The following ZNF804B variants were observed in gnomAD, a reference collection of about 807,000 sequenced individuals.
The protein encoded by ZNF804B is zinc finger 804B.
In ZNF804B, 80 loss-of-function variants were observed where a neutral mutation model predicts 101.4. That is an observed-to-expected ratio of 0.79 (90% CI 0.66 to 0.95). ZNF804B has a LOEUF of 0.95. Ranked by LOEUF, ZNF804B falls within the 40% of genes least tolerant of loss-of-function variation. The probability of loss-of-function intolerance (pLI) is 0.00; values close to 1 mark genes in which losing one functional copy is unlikely to be tolerated. For missense variants in ZNF804B, 1,673 were observed against 1,561.9 expected, an observed-to-expected ratio of 1.07 and a Z score of -1.20; for synonymous variants, 622 against 558.8, an observed-to-expected ratio of 1.11 and a Z score of -1.59.
chr7:88,905,313 G>A (rs114119626), intron 1 of ZNF804B, among the ~76,000 whole-genome samples: 2,194 of 151,814 alleles, frequency 0.014, 56 homozygotes, highest in African/African-American at 0.049. Context: ...TGATTGTGGC[G>A]AATTAACTTT....
At chr7:89,330,113 A>G (rs2115989183) in intron 3 of ZNF804B, among the ~76,000 whole-genome samples, 1 of 151,766 alleles carries the variant, frequency 6.6e-6, no homozygotes, top group East Asian at 1.9e-4. Context: ...GTAAGAATAT[A>G]TTTTCAAAAC....
At chr7:89,059,084 A>C (rs1463518425) in intron 1 of ZNF804B, among the ~76,000 whole-genome samples, 1 of 152,170 alleles carries the variant, frequency 6.6e-6, no homozygotes, top group African/African-American at 2.4e-5. Context: ...ATGAAACCAG[A>C]TGGCTATCAT....
intron 1 of ZNF804B, among the ~76,000 whole-genome samples, chr7:88,929,987 G>T (rs1792859425): frequency 1.3e-5 from 2 of 151,788 alleles, no homozygotes; most frequent in Admixed American, 6.6e-5. Flanking sequence ...AAAGAAAGGT[G>T]GTTCCAAAAT....
At chr7:88,890,014 T>G (rs1299978936) in intron 1 of ZNF804B, among the ~76,000 whole-genome samples, 1 of 152,088 alleles carries the variant, frequency 6.6e-6, no homozygotes, top group African/African-American at 2.4e-5. Flanking sequence ...TAACCCAGCA[T>G]CACTTATTGA....
At chr7:89,260,653 A>G (rs1013531816) in intron 2 of ZNF804B, among the ~76,000 whole-genome samples, 2 of 152,312 alleles carry the variant, frequency 1.3e-5, no homozygotes, top group South Asian at 4.1e-4. Context: ...GAAGCCACAT[A>G]AAAGCTATGT....
intron 2 of ZNF804B, among the ~76,000 whole-genome samples, chr7:89,251,857 T>C (rs567857971): frequency 6.6e-6 from 1 of 152,286 alleles, no homozygotes; most frequent in African/African-American, 2.4e-5. Flanking sequence ...GCCAGCCATA[T>C]GTAGAGGAAT....
chr7:89,184,474 G>A (rs146037664), intron 1 of ZNF804B, among the ~76,000 whole-genome samples: 66 of 148,060 alleles, frequency 4.5e-4, no homozygotes, highest in African/African-American at 1.4e-3. Context: ...TTATGATAGC[G>A]TAAGTTAACT....
chr7:89,138,285 T>C (rs1790666685), intron 1 of ZNF804B, among the ~76,000 whole-genome samples: 1 of 152,104 alleles, frequency 6.6e-6, no homozygotes, highest in African/African-American at 2.4e-5. Context: ...GACCTCAGAA[T>C]GGTAGATTCA....
chr7:88,942,017 G>T (rs777071914), intron 1 of ZNF804B, among the ~76,000 whole-genome samples: 6 of 151,854 alleles, frequency 4.0e-5, no homozygotes, highest in Non-Finnish European at 7.4e-5. Flanking sequence ...CCTAGATGAA[G>T]GAAGCTCTTC....
At chr7:89,263,380 C>T (rs1186922018) in intron 2 of ZNF804B, among the ~76,000 whole-genome samples, 1 of 152,056 alleles carries the variant, frequency 6.6e-6, no homozygotes, top group Non-Finnish European at 1.5e-5. Context: ...TGTTGTTTCT[C>T]AGGATTCTCT....
At position 89,333,443 on chromosome 7, in the gene ZNF804B, A is replaced by G; in HGVS notation, c.461A>G (p.Lys154Arg). The G allele has an allele frequency of 6.2e-7, 1 of 1,613,104 alleles. No individual in the cohort carries two copies. Among genetic ancestry groups the G allele is most frequent in the Non-Finnish European group, 8.5e-7 (1 of 1,179,450 alleles). ...CTCCAGCAAGGAATTTTCCCCATTA[A>G]GAATGGCAGAAAGGTATCATGCATG... is the stretch of plus-strand genomic sequence containing the variant. ...KQLQQGIFPI[K>R]NGRKVSCMKS... is the part of the protein sequence containing the mutation. The change falls in exon 4 of 4, where the codon AAG becomes AGG. Residue 154 changes from lysine (K) to arginine (R), a missense_variant. Physicochemically the swap from Lys to Arg is conservative, Grantham distance 26 (BLOSUM62 2). Transcript: ENST00000333190.
intron 1 of ZNF804B, among the ~76,000 whole-genome samples, chr7:88,937,329 CT>C (rs1792988023): frequency 6.6e-6 from 1 of 152,036 alleles, no homozygotes; most frequent in African/African-American, 2.4e-5. Context: ...AATACTTCAT[CT>C]CAAACAATGG....
chr7:89,291,829 A>G (rs111732674), intron 2 of ZNF804B, among the ~76,000 whole-genome samples: 2,896 of 152,238 alleles, frequency 0.019, 78 homozygotes, highest in African/African-American at 0.066. Context: ...ATCTCAAGGC[A>G]TTTAACAATC....
intron 2 of ZNF804B, among the ~76,000 whole-genome samples, chr7:89,299,935 C>T (rs1459542886): frequency 1.3e-5 from 2 of 151,854 alleles, no homozygotes; most frequent in African/African-American, 4.8e-5. Flanking sequence ...ATAGAAGTGT[C>T]AAAAGTGCAA....
At chr7:89,011,372 A>G (rs1788459613) in intron 1 of ZNF804B, among the ~76,000 whole-genome samples, 1 of 152,146 alleles carries the variant, frequency 6.6e-6, no homozygotes, top group Admixed American at 6.6e-5. Context: ...TCATGTCCTC[A>G]CATTTCAAAA....
In ZNF804B at chr7:88,775,941, G is replaced by A. The variant is rs1168450266; in HGVS notation, c.108+15857G>A. On this transcript the variant is annotated intron_variant, in intron 1 of 3. Coordinates refer to ENST00000333190, the MANE Select transcript of ZNF804B (RefSeq NM_181646.5). ...ATGTTGTCCCTCCAATTTTAAGGTGGGAACATGGAAATTTTCCCTTCTTTG... is the reference window on the plus strand; with the variant it reads ...ATGTTGTCCCTCCAATTTTAAGGTGAGAACATGGAAATTTTCCCTTCTTTG... Among the ~76,000 whole-genome samples the A allele has an allele frequency of 4.6e-5, 7 of 152,284 alleles. No homozygotes were observed. In the East Asian group the frequency reaches 1.2e-3, roughly 25 times the overall value.
chr7:88,762,477 C>T (rs868314077), intron 1 of ZNF804B, among the ~76,000 whole-genome samples: 1 of 152,164 alleles, frequency 6.6e-6, no homozygotes, highest in Non-Finnish European at 1.5e-5. Context: ...TGAAAACTTT[C>T]CTAATCTAGA....
intron 1 of ZNF804B, among the ~76,000 whole-genome samples, chr7:89,083,548 AT>A (rs1789728668): frequency 2.1e-5 from 1 of 48,502 alleles, no homozygotes; most frequent in Admixed American, 1.8e-4. Context: ...TCAGAAACAC[AT>A]GTGTTTGAGG....
chr7:89,040,430 T>G (rs1257600102), intron 1 of ZNF804B, among the ~76,000 whole-genome samples: 1 of 152,140 alleles, frequency 6.6e-6, no homozygotes, highest in Non-Finnish European at 1.5e-5. Flanking sequence ...TTAATTATTG[T>G]GTTATTCAGC....
Sources: allele counts gnomAD v4.1 joint callset (sites outside exome capture counted in the v4.1 genomes callset), GRCh38; gene constraint gnomAD v4.1.1; transcripts MANE v1.5; gene names NCBI Gene and HGNC (gene_info 2026-07-23, HGNC 2026-07-21).